Variants in C5orf22 observed in about 807,000 individuals in gnomAD.
C5orf22 encodes the protein UPF0489 protein C5orf22.
C5orf22 carries 36 observed loss-of-function variants against 48.7 expected under a neutral mutation model. The observed-to-expected ratio is 0.74, with a 90% CI of 0.57 to 0.98. The LOEUF (loss-of-function observed/expected upper bound fraction) is 0.98. Ranked by LOEUF, C5orf22 falls within the 50% of genes least tolerant of loss-of-function variation. The pLI, the probability that C5orf22 is intolerant of heterozygous loss-of-function variation, is 0.00. For missense variants in C5orf22, 486 were observed against 521.9 expected, an observed-to-expected ratio of 0.93 and a Z score of 0.67; for synonymous variants, 141 against 180.8, an observed-to-expected ratio of 0.78 and a Z score of 1.76.
rs1302379138 is a variant in C5orf22 at position 31,551,467 on chromosome 5, G to A, written c.1199+35G>A. On this transcript the variant is annotated intron_variant, in intron 8 of 8. Coordinates refer to ENST00000325366, the MANE Select transcript of C5orf22 (RefSeq NM_018356.3). ...TTCAGCAGAATAATGGCAAATCAGA[G>A]ATGTGCACATCCTAATCTCTGGAAC... 7.3e-6 allele frequency: 11 copies of A among 1,511,416 alleles called. No homozygotes were observed. The South Asian group carries it at 1.3e-4, about 17-fold the overall frequency. 93.6% of individuals were successfully genotyped at this position (1,511,416 alleles called of 1,614,324 possible).
At chr5:31,538,733 G>A in intron 4 of C5orf22, 44 bp downstream of exon 4, 6 of 1,432,982 alleles carry the variant, frequency 4.2e-6, no homozygotes, top group Non-Finnish European at 4.8e-6. Flanking sequence ...AGAATTGTAT[G>A]GCTTTTCTCT....
At chr5:31,534,792 C>T (rs563033903) in intron 2 of C5orf22, among the ~76,000 whole-genome samples, 2 of 152,336 alleles carry the variant, frequency 1.3e-5, no homozygotes, top group South Asian at 2.1e-4. Flanking sequence ...GGGAAGATCA[C>T]TTGAGGCCAG....
At chr5:31,536,106 T>C (rs1742062313) in intron 3 of C5orf22, among the ~76,000 whole-genome samples, 1 of 152,258 alleles carries the variant, frequency 6.6e-6, no homozygotes, top group Admixed American at 6.5e-5. Flanking sequence ...AATTAGATTT[T>C]GAATGTGATC....
chr5:31,534,728 C>T (rs534097798), intron 2 of C5orf22: 1 of 320,448 alleles, frequency 3.1e-6, no homozygotes, highest in South Asian at 2.9e-5. Flanking sequence ...GCTTTATTTA[C>T]AAGCTGGGCA....
chr5:31,541,722 G>A (rs1742481044), intron 6 of C5orf22, among the ~76,000 whole-genome samples: 1 of 152,152 alleles, frequency 6.6e-6, no homozygotes, highest in South Asian at 2.1e-4. Context: ...GTAGTGGGCT[G>A]TGATCATGCC....
At chr5:31,551,593 G>C (rs149478452) in intron 8 of C5orf22, among the ~76,000 whole-genome samples, 161 bp downstream of exon 8, 4 of 152,320 alleles carry the variant, frequency 2.6e-5, no homozygotes, top group African/African-American at 9.6e-5. Context: ...TGGGCCCAGT[G>C]TAATCACAAG....
At chr5:31,536,291 T>G (rs966615231) in intron 3 of C5orf22, among the ~76,000 whole-genome samples, 3 of 152,072 alleles carry the variant, frequency 2.0e-5, no homozygotes, top group South Asian at 2.1e-4. Flanking sequence ...GAGGCCGAGG[T>G]GGGCAGAAGA....
At chr5:31,544,501 G>A (rs902679674) in intron 6 of C5orf22, among the ~76,000 whole-genome samples, 14 of 151,866 alleles carry the variant, frequency 9.2e-5, no homozygotes, top group African/African-American at 2.2e-4. Flanking sequence ...GGAGAATGGC[G>A]TGAACCTGGA....
chr5:31,535,769 A>G lies in C5orf22; in HGVS notation c.253A>G (p.Met85Val). Residue 85 changes from methionine (M) to valine (V), a missense_variant, in exon 3 of 9, where the codon ATG becomes GTG. Transcript: ENST00000325366. ...FGELSIENWI[M>V]PAVYAGHFSH... ...AGAATTAAGTATTGAAAATTGGATT[A>G]TGCCTGCAGTTTATGCTGGCCATTT... 1 of 1,607,470 alleles carries G rather than the reference A, an allele frequency of 6.2e-7. No individual in the cohort carries two copies.
chr5:31,552,738 TG>T (rs1236333169), intron 8 of C5orf22, 34 bp from the exon 9 acceptor site: 2 of 1,594,380 alleles, frequency 1.3e-6, no homozygotes, highest in African/African-American at 1.3e-5. Context: ...TTATCCTATG[TG>T]TATTTTTCTT....
At chr5:31,548,610 A>G (rs1443947385) in intron 7 of C5orf22, 2 of 450,424 alleles carry the variant, frequency 4.4e-6, no homozygotes, top group East Asian at 1.4e-4. Context: ...CAAACTGTCC[A>G]ACATTTCCCT....
At chr5:31,538,190 T>C (rs976568136) in intron 3 of C5orf22, 70 bp from the exon 4 acceptor site, 36 of 1,136,138 alleles carry the variant, frequency 3.2e-5, no homozygotes, top group Non-Finnish European at 4.3e-5. Flanking sequence ...CTTATATTTC[T>C]GCCATACCAT....
At chr5:31,539,629 A>G (rs533204699) in intron 4 of C5orf22, among the ~76,000 whole-genome samples, 1 of 152,376 alleles carries the variant, frequency 6.6e-6, no homozygotes, top group African/African-American at 2.4e-5. Context: ...GGATTTGTAT[A>G]GCCTAAATAC....
intron 7 of C5orf22, among the ~76,000 whole-genome samples, chr5:31,551,079 T>TA (rs1743227803): frequency 6.6e-6 from 1 of 152,216 alleles, no homozygotes; most frequent in Non-Finnish European, 1.5e-5. Flanking sequence ...ATAAAAATAT[T>TA]AAAAATTAAA....
At chr5:31,534,593 A>C (rs1741962661) in intron 2 of C5orf22, 176 bp downstream of exon 2, 2 of 597,524 alleles carry the variant, frequency 3.3e-6, no homozygotes, top group African/African-American at 3.7e-5. Context: ...AAAGAGCCAG[A>C]TTAGCAAATA....
At chr5:31,541,503 C>T in intron 6 of C5orf22, 101 bp downstream of exon 6, 1 of 1,307,278 alleles carries the variant, frequency 7.6e-7, no homozygotes, top group Non-Finnish European at 1.1e-6. Context: ...AAGTAGTATT[C>T]AGCTACTTGG....
intron 2 of C5orf22, 103 bp downstream of exon 2, chr5:31,534,520 G>T: frequency 9.4e-7 from 1 of 1,064,740 alleles, no homozygotes; most frequent in Non-Finnish European, 1.3e-6. Flanking sequence ...ATGGGTTTGG[G>T]GGTTTTTTGT....
intron 7 of C5orf22, among the ~76,000 whole-genome samples, chr5:31,550,565 ATTTT>A (rs909139587): frequency 6.7e-6 from 1 of 148,948 alleles, no homozygotes; most frequent in African/African-American, 2.5e-5. Context: ...AATATGTACA[ATTTT>A]TTTTTTTCTT....
intron 6 of C5orf22, among the ~76,000 whole-genome samples, chr5:31,543,538 C>G (rs1742603387): frequency 6.6e-6 from 1 of 152,000 alleles, no homozygotes; most frequent in African/African-American, 2.4e-5. Flanking sequence ...CCACTGCTCT[C>G]CAGCCTGGGT....
Sources: gnomAD v4.1 joint callset for allele counts (sites outside exome capture counted in the v4.1 genomes callset) on GRCh38, gnomAD v4.1.1 for gene constraint, MANE v1.5 for transcripts, NCBI Gene and HGNC (gene_info 2026-07-23, HGNC 2026-07-21) for gene names.